The following TMEM184A variants were observed in gnomAD, a reference collection of about 807,000 sequenced individuals.
The protein encoded by TMEM184A is transmembrane protein 184A.
In TMEM184A, 40 loss-of-function variants were observed where a neutral mutation model predicts 39.5. That is an observed-to-expected ratio of 1.01 (90% confidence interval 0.79 to 1.32). The LOEUF is 1.32. TMEM184A is among the 40% of genes most tolerant of loss of function. The pLI is 0.00. For missense variants in TMEM184A, 603 were observed against 568.8 expected, an observed-to-expected ratio of 1.06 and a Z score of -0.61; for synonymous variants, 280 against 252.3, an observed-to-expected ratio of 1.11 and a Z score of -1.04.
Position 1,555,208 on chromosome 7 carries a change from CG to C in TMEM184A, c.219+57del, listed in dbSNP as rs926465819. The stretch of plus-strand genomic sequence containing the variant: ...CACCCAGGGGGACCGGGCTGAGCCA[CG>C]GCCACGTCCTGTGGAGACCAAGGTC... On this transcript the variant is annotated intron_variant, in intron 2 of 8. Transcript: ENST00000297477. This position sits in a 1 kb window ranked among gnomAD's most constrained non-coding sequence, Gnocchi z 5.2. The C allele has an allele frequency of 2.4e-5, 34 of 1,435,394 alleles. No individual in the cohort carries two copies. Among genetic ancestry groups the C allele is most frequent in the Admixed American group, 5.0e-5 (2 of 39,896 alleles). The allele number at this position is 1,435,394 out of a possible 1,614,324, so 88.9% of individuals were successfully genotyped here. A position where few individuals can be genotyped will look rare whatever the true frequency, so the allele number is the denominator to read the frequency against.
rs779065225 is a variant in TMEM184A, at chr7:1,550,192, G to A, written c.483C>T (p.Ser161=). 6.2e-7 allele frequency: 1 copy of A among 1,607,964 alleles called. No homozygotes were observed. Among genetic ancestry groups the A allele is most frequent in the Non-Finnish European group, 8.5e-7 (1 of 1,178,012 alleles). ...GGAGGCAGCAGGTGCCGTACAAGCA[G>A]CTGGACCTGCGGGGGACGTCCCTGA... ...AEIRGKPIKS[S]CLYGTCCLRG... is the part of the protein sequence containing the mutation. The change falls in exon 5 of 9, where the codon AGC becomes AGT. Residue 161 remains serine (S), a synonymous_variant. Coordinates refer to ENST00000297477, the MANE Select transcript of TMEM184A (RefSeq NM_001097620.2).
chr7:1,554,870 G>C (rs1583226461), intron 2 of TMEM184A, among the ~76,000 whole-genome samples: 1 of 152,284 alleles, frequency 6.6e-6, no homozygotes, highest in Middle Eastern at 3.4e-3. Context: ...CCTCCCACCA[G>C]CCTTCTCCAG....
chr7:1,548,649 G>A lies in TMEM184A; in HGVS notation c.684C>T (p.Asn228=), dbSNP rs201501113. ...SGYLYVTLIY[N]ASVSLALYAL... ...CGTAGAGGGCGAGGCTGACGGAGGC[G>A]TTGTAGATGAGGGTCACATAGAGGT... Residue 228 remains asparagine (N), a synonymous_variant, in exon 7 of 9, where the codon AAC becomes AAT. Transcript: ENST00000297477. The A allele has an allele frequency of 2.3e-5, 37 of 1,613,780 alleles. No homozygotes were observed. Among genetic ancestry groups the A allele is most frequent in the African/African-American group, 2.3e-4 (17 of 74,928 alleles).
In TMEM184A at chr7:1,543,365, G is replaced by C. The variant is rs969696666; in HGVS notation, c.*3587C>G. 2.6e-5 allele frequency: 4 copies of C among 152,294 alleles called. No individual in the cohort carries two copies. Among genetic ancestry groups the C allele is most frequent in the Non-Finnish European group, 4.4e-5 (3 of 68,084 alleles). The allele number at this position is 152,294 out of a possible 1,614,324, so 9.4% of individuals were successfully genotyped here. On this transcript the variant is annotated 3_prime_UTR_variant, in exon 9 of 9. Transcript: ENST00000297477. The stretch of plus-strand genomic sequence containing the variant: ...GGAAGGAGCAGAGAGCAGCACGGCT[G>C]TCAGTGTTCCCCTTCCCTGGGAGAC...
intron 2 of TMEM184A, among the ~76,000 whole-genome samples, chr7:1,551,751 A>G (rs1356920596): frequency 6.6e-6 from 1 of 152,052 alleles, no homozygotes; most frequent in Non-Finnish European, 1.5e-5. Context: ...AGCCTGGCCA[A>G]CATGGTGAAA....
intron 6 of TMEM184A, 42 bp from the exon 7 acceptor site, chr7:1,548,730 C>T (rs1251399782): frequency 6.3e-7 from 1 of 1,598,170 alleles, no homozygotes; most frequent in Non-Finnish European, 8.5e-7. Flanking sequence ...TCCCATGACC[C>T]CGCCACTGTC....
chr7:1,555,413 G>A lies in TMEM184A; in HGVS notation c.72C>T (p.Ser24=), dbSNP rs533728450. ...GCCCAGCTGGCACAGCCGGTGGGGG[G>A]CTGGGCTGCGGCCAGTTCGCTGACA... ...PLVSANWPQP[S]PPPAVPAGPQ... The change falls in exon 2 of 9, where the codon AGC becomes AGT. Residue 24 remains serine (S), a synonymous_variant. Transcript: ENST00000297477. This position sits in a 1 kb window ranked among gnomAD's most constrained non-coding sequence, Gnocchi z 5.2. 2.5e-6 allele frequency: 4 copies of A among 1,611,706 alleles called. No individual in the cohort carries two copies. The highest frequency in any genetic ancestry group is 3.4e-6 in the Non-Finnish European group (4 of 1,179,686).
chr7:1,547,054 G>C lies in TMEM184A; in HGVS notation c.1140C>G (p.His380Gln). The C allele has an allele frequency of 3.1e-6, 5 of 1,608,716 alleles. No homozygotes were observed. The South Asian group carries it at 4.4e-5, about 14-fold the overall frequency. Reference sequence around the variant, plus strand: ...GGTGGGTGCCGGGCCTGGGCGCCTCGTGCGTGGCCTGCTGCGTGTAGTGCT... The same window carrying C: ...GGTGGGTGCCGGGCCTGGGCGCCTCCTGCGTGGCCTGCTGCGTGTAGTGCT... ...AYQHYTQQAT[H>Q]EAPRPGTHPS... Residue 380 changes from histidine to glutamine, a missense_variant, in exon 9 of 9, where the codon CAC (histidine) becomes CAG (glutamine). Transcript: ENST00000297477.
At chr7:1,548,433 T>C in intron 7 of TMEM184A, 86 bp downstream of exon 7, 1 of 1,446,882 alleles carries the variant, frequency 6.9e-7, no homozygotes, top group South Asian at 1.3e-5. Context: ...ACGTGGGGGC[T>C]GGGGAAAGGG....
In TMEM184A at chr7:1,542,476, T is replaced by C. The variant is rs1784218541; in HGVS notation, c.*4476A>G. On this transcript the variant is annotated 3_prime_UTR_variant, in exon 9 of 9. Transcript: ENST00000297477. The stretch of plus-strand genomic sequence containing the variant: ...TGGCCGGTTCTGTCCCGTCTTGGGG[T>C]TCTTGGTGTCCACGTCTTGTGGGCC... The C allele has an allele frequency of 6.6e-6, 1 of 152,136 alleles. No homozygotes were observed. The highest frequency in any genetic ancestry group is 6.6e-5 in the Admixed American group (1 of 15,258). 9.4% of individuals were successfully genotyped at this position (152,136 alleles called of 1,614,324 possible).
Position 1,549,528 on chromosome 7 carries a change from G to C in TMEM184A, c.644+326C>G, listed in dbSNP as rs1244934196. The C allele has an allele frequency of 1.8e-5, 9 of 501,622 alleles. No individual in the cohort carries two copies. In the East Asian group the frequency reaches 5.3e-4, roughly 30 times the overall value. The allele number at this position is 501,622 out of a possible 1,614,324, so 31.1% of individuals were successfully genotyped here. A position where few individuals can be genotyped will look rare whatever the true frequency, so the allele number is the denominator to read the frequency against. ...CCTGGGGTCCTCGGCGCAGATGCTGGCACAGACGCTAGACTCACCCCAGCC... is the reference window on the plus strand; with the variant it reads ...CCTGGGGTCCTCGGCGCAGATGCTGCCACAGACGCTAGACTCACCCCAGCC... On this transcript the variant is annotated intron_variant, in intron 6 of 8. Coordinates refer to ENST00000297477, the MANE Select transcript of TMEM184A (RefSeq NM_001097620.2).
chr7:1,553,713 G>C (rs1042476088), intron 2 of TMEM184A, among the ~76,000 whole-genome samples: 1 of 152,158 alleles, frequency 6.6e-6, no homozygotes, highest in African/African-American at 2.4e-5. Flanking sequence ...GGCATGACCA[G>C]CCATCAGGAG....
intron 6 of TMEM184A, chr7:1,548,918 T>G: frequency 1.5e-6 from 1 of 672,298 alleles, no homozygotes; most frequent in Non-Finnish European, 2.7e-6. Flanking sequence ...ACGTGGCCGT[T>G]CTCCCTACCG....
chr7:1,553,045 A>T (rs958260968), intron 2 of TMEM184A, among the ~76,000 whole-genome samples: 7 of 152,028 alleles, frequency 4.6e-5, no homozygotes, highest in African/African-American at 1.7e-4. Context: ...ACAGAGTGAG[A>T]TCCTGCCTAA....
chr7:1,546,402 C>G lies in TMEM184A; in HGVS notation c.*550G>C, dbSNP rs1168721035. Reference sequence around the variant, plus strand: ...CGTGTGGAGACACGTGGGCCCTTCTCCACGTGCCCACGAGGGCCGTAGCAG... The same window carrying G: ...CGTGTGGAGACACGTGGGCCCTTCTGCACGTGCCCACGAGGGCCGTAGCAG... On this transcript the variant is annotated 3_prime_UTR_variant, in exon 9 of 9. Transcript: ENST00000297477. The G allele has an allele frequency of 6.6e-6, 1 of 152,270 alleles. No individual in the cohort carries two copies. Among genetic ancestry groups the G allele is most frequent in the Non-Finnish European group, 1.5e-5 (1 of 68,084 alleles). 9.4% of individuals were successfully genotyped at this position (152,270 alleles called of 1,614,324 possible). A position where few individuals can be genotyped will look rare whatever the true frequency, so the allele number is the denominator to read the frequency against.
chr7:1,546,071 GGCTCTGCCCT>G lies in TMEM184A; in HGVS notation c.*871_*880del, dbSNP rs1189890981. ...GCAGTGGCTGTGATCGCACAGCCCA[GGCTCTGCCCT>G]GCACTGCCCTGGACCACGAGGCTGC... On this transcript the variant is annotated 3_prime_UTR_variant, in exon 9 of 9. Coordinates refer to ENST00000297477, the MANE Select transcript of TMEM184A (RefSeq NM_001097620.2). 1 of 152,424 alleles carries G rather than the reference GGCTCTGCCCT, an allele frequency of 6.6e-6. No individual in the cohort carries two copies. Among genetic ancestry groups the G allele is most frequent in the African/African-American group, 2.4e-5 (1 of 41,428 alleles). 9.4% of individuals were successfully genotyped at this position (152,424 alleles called of 1,614,324 possible).
chr7:1,548,967 C>T, intron 6 of TMEM184A: 1 of 611,996 alleles, frequency 1.6e-6, no homozygotes, highest in Non-Finnish European at 3.0e-6. Flanking sequence ...GTCCACTGCT[C>T]AGGCAGCATC....
At chr7:1,549,544 C>T (rs1166942566) in intron 6 of TMEM184A, 1 of 520,870 alleles carries the variant, frequency 1.9e-6, no homozygotes, top group South Asian at 1.5e-5. Flanking sequence ...ACGCTAGACT[C>T]ACCCCAGCCG....
In TMEM184A at chr7:1,547,014, C is replaced by T. The variant is rs772263887; in HGVS notation, c.1180G>A (p.Gly394Ser). Residue 394 changes from glycine to serine, a missense_variant, in exon 9 of 9, where the codon GGC becomes AGC. By Grantham distance (56) the Gly-to-Ser change is moderately conservative (BLOSUM62 0). Coordinates refer to ENST00000297477, the MANE Select transcript of TMEM184A (RefSeq NM_001097620.2). Reference sequence around the variant, plus strand: ...AGGCTCCGGCTCTTCCTGCTCCCGCCGGAGCCGCCGCTGGGGTGGGTGCCG... The same window carrying T: ...AGGCTCCGGCTCTTCCTGCTCCCGCTGGAGCCGCCGCTGGGGTGGGTGCCG... ...RPGTHPSGGS[G>S]GSRKSRSLEK... is the part of the protein sequence containing the mutation. The T allele has an allele frequency of 5.7e-5, 87 of 1,517,530 alleles. 1 individual carries two copies. In the South Asian group the frequency reaches 7.7e-4, roughly 13 times the overall value. 94.0% of individuals were successfully genotyped at this position (1,517,530 alleles called of 1,614,324 possible). A position where few individuals can be genotyped will look rare whatever the true frequency, so the allele number is the denominator to read the frequency against.
Sources: gnomAD v4.1 joint callset for allele counts (sites outside exome capture counted in the v4.1 genomes callset) on GRCh38, gnomAD v4.1.1 for gene constraint, Gnocchi (gnomAD v3.1) non-coding constraint, MANE v1.5 for transcripts, NCBI Gene and HGNC (gene_info 2026-07-23, HGNC 2026-07-21) for gene names.